DHRS13: variants seen among roughly 807,000 people sequenced by gnomAD.
DHRS13 encodes dehydrogenase/reductase 13, also known as dehydrogenase/reductase SDR family member 13.
In DHRS13, 22 loss-of-function variants were observed where a neutral mutation model predicts 17.9. The observed-to-expected ratio is 1.23, with a 90% confidence interval of 0.88 to 1.75. DHRS13 has a LOEUF of 1.75. Among genes scored for constraint, DHRS13 ranks in the 40% most tolerant of loss-of-function variants. The pLI is 0.00. For synonymous variants in DHRS13, 206 were observed against 220.4 expected, an observed-to-expected ratio of 0.93 and a Z score of 0.58; for missense variants, 483 against 519.9, an observed-to-expected ratio of 0.93 and a Z score of 0.69.
rs1194087816 is a variant in DHRS13 at position 28,901,507 on chromosome 17, AG to A, written c.355del (p.Leu119SerfsTer23). ...FLSSEPRLDI[L>X]IHNAGISSCG... Reference sequence around the variant, plus strand: ...CTGCCCCTCACCGGCATTGTGGATGAGGATGTCCAACCGTGGCTCAGAGCTC... The same window carrying A: ...CTGCCCCTCACCGGCATTGTGGATGAGATGTCCAACCGTGGCTCAGAGCTC... On this transcript the variant is annotated frameshift_variant, in exon 3 of 5. Transcript: ENST00000378895. LOFTEE classifies it high-confidence loss of function. The surrounding 1 kb of genome is among the most constrained non-coding windows in gnomAD (Gnocchi z 4.3). 3 of 1,613,950 alleles carry A rather than the reference AG, an allele frequency of 1.9e-6. No homozygotes were observed. Among genetic ancestry groups the A allele is most frequent in the Middle Eastern group, 1.7e-4 (1 of 6,046 alleles).
In DHRS13 at chr17:28,901,714, T is replaced by C. The variant is rs1425390839; in HGVS notation, c.247-98A>G. 3.2e-6 allele frequency: 5 copies of C among 1,545,554 alleles called. No individual in the cohort carries two copies. In the Admixed American group the frequency reaches 9.7e-5, roughly 30 times the overall value. On this transcript the variant is annotated intron_variant, in intron 2 of 4. Transcript: ENST00000378895. This position sits in a 1 kb window ranked among gnomAD's most constrained non-coding sequence, Gnocchi z 4.3. ...TGAGAGTCCATCTCCTACTGTTTACTAAAATCTGCCCCTGTGTCTTAGAGT... is the reference window on the plus strand; with the variant it reads ...TGAGAGTCCATCTCCTACTGTTTACCAAAATCTGCCCCTGTGTCTTAGAGT...
rs1215463095 is a variant in DHRS13, at chr17:28,902,828, G to T, written c.117C>A (p.Ala39=). ...CGCCTCCGCACTCACCCGTGACCACGGCCGTGCGGCCCCGCAGGTTGCCCA... is the reference window on the plus strand; with the variant it reads ...CGCCTCCGCACTCACCCGTGACCACTGCCGTGCGGCCCCGCAGGTTGCCCA... ...GGMGNLRGRT[A]VVTGANSGIG... is the part of the protein sequence containing the mutation. The change falls in exon 1 of 5, where the codon GCC becomes GCA. Residue 39 remains alanine, a synonymous_variant. Coordinates refer to ENST00000378895, the MANE Select transcript of DHRS13 (RefSeq NM_144683.4). This position sits in a 1 kb window ranked among gnomAD's most constrained non-coding sequence, Gnocchi z 4.0. The T allele has an allele frequency of 3.9e-6, 6 of 1,540,010 alleles. No homozygotes were observed. Among genetic ancestry groups the T allele is most frequent in the Non-Finnish European group, 5.2e-6 (6 of 1,152,050 alleles).
rs760021385 is a variant in DHRS13 at position 28,901,465 on chromosome 17, C to T, written c.370+28G>A. The T allele has an allele frequency of 5.0e-6, 8 of 1,612,968 alleles. No homozygotes were observed. In the South Asian group the frequency reaches 7.7e-5, roughly 16 times the overall value. On this transcript the variant is annotated intron_variant, in intron 3 of 4. Transcript: ENST00000378895. The surrounding 1 kb of genome is among the most constrained non-coding windows in gnomAD (Gnocchi z 4.3). ...TTGCCCCTGGCCACCCGCCACCCCA[C>T]CCCCACGCAGGGCCTGCTGCCCCTC...
In DHRS13 at chr17:28,899,037, T is replaced by TAA; in HGVS notation, c.683-146_683-145insTT. On this transcript the variant is annotated intron_variant, in intron 4 of 4. Transcript: ENST00000378895. This position sits in a 1 kb window ranked among gnomAD's most constrained non-coding sequence, Gnocchi z 4.7. Reference sequence around the variant, plus strand: ...GGCAACATAGTCAAGCTCTGTCTCTTTAAAAAAAAAAACAACAACAAAAAA... The same window carrying TAA: ...GGCAACATAGTCAAGCTCTGTCTCTTAATAAAAAAAAAAACAACAACAAAAAA... The TAA allele has an allele frequency of 1.5e-6, 1 of 677,658 alleles. No individual in the cohort carries two copies. The highest frequency in any genetic ancestry group is 2.3e-6 in the Non-Finnish European group (1 of 432,768). 42.0% of individuals were successfully genotyped at this position (677,658 alleles called of 1,614,324 possible). A position where few individuals can be genotyped will look rare whatever the true frequency, so the allele number is the denominator to read the frequency against.
In DHRS13 at chr17:28,902,586, G is replaced by T; in HGVS notation, c.243C>A (p.Arg81=). ...ERGEAAAFDL[R]QESGNNEVIF... is the part of the protein sequence containing the mutation. ...ACGCGCCCCCGCTGCCTCTCACCTG[G>T]CGGAGGTCGAAGGCAGCCGCCTCCC... The change falls in exon 2 of 5, where the codon CGC becomes CGA. Residue 81 remains arginine, a synonymous_variant. Coordinates refer to ENST00000378895, the MANE Select transcript of DHRS13 (RefSeq NM_144683.4). The surrounding 1 kb of genome is among the most constrained non-coding windows in gnomAD (Gnocchi z 4.0). 1 of 1,479,750 alleles carries T rather than the reference G, an allele frequency of 6.8e-7. No individual in the cohort carries two copies. The highest frequency in any genetic ancestry group is 2.4e-5 in the Admixed American group (1 of 42,504). The allele number at this position is 1,479,750 out of a possible 1,614,324, so 91.7% of individuals were successfully genotyped here.
Sources: allele counts gnomAD v4.1 joint callset, GRCh38; gene constraint gnomAD v4.1.1; non-coding constraint Gnocchi (gnomAD v3.1); transcripts MANE v1.5; gene names NCBI Gene and HGNC (gene_info 2026-07-23, HGNC 2026-07-21).